The following DCBLD2 variants were observed in gnomAD, a reference collection of about 807,000 sequenced individuals.
DCBLD2 encodes discoidin, CUB and LCCL domain containing 2, also known as discoidin, CUB and LCCL domain-containing protein 2.
DCBLD2 carries 54 observed loss-of-function variants against 86.8 expected under a neutral mutation model. The observed-to-expected ratio is 0.62, with a 90% CI of 0.50 to 0.78. The LOEUF (loss-of-function observed/expected upper bound fraction) is 0.78, where lower values mean the gene tolerates loss of function less well. Ranked by LOEUF, DCBLD2 falls within the 30% of genes least tolerant of loss-of-function variation. The pLI, the probability that DCBLD2 is intolerant of heterozygous loss-of-function variation, is 0.00. For synonymous variants in DCBLD2, 354 were observed against 341.3 expected (o/e 1.04, Z -0.41); for missense variants, 908 against 954.2 (o/e 0.95, Z 0.64).
intron 2 of DCBLD2, among the ~76,000 whole-genome samples, chr3:98,862,298 G>A (rs1024766466): frequency 6.6e-6 from 1 of 152,144 alleles, no homozygotes; most frequent in Non-Finnish European, 1.5e-5. Flanking sequence ...GTACAAGGAG[G>A]AGCTGGTACC....
chr3:98,799,505 T>C lies in DCBLD2; in HGVS notation c.2195A>G (p.Tyr732Cys), dbSNP rs571842797. The change falls in exon 16 of 16, where the codon TAT becomes TGT. Residue 732 changes from tyrosine (Y) to cysteine (C), a missense_variant. Around this residue, in one of 3 missense-constraint regions of DCBLD2, gnomAD observed 606 missense variants for 678.5 expected, o/e 0.89. Coordinates refer to ENST00000326840, the MANE Select transcript of DCBLD2 (RefSeq NM_080927.4). The part of the protein sequence containing the change: ...TDSCSSAQAQ[Y>C]DTPKAGKPGL... ...TGGCTTCCCAGCTTTCGGGGTATCA[T>C]ACTGGGCCTGGGCTGAGGAGCAGCT... 1.2e-6 allele frequency: 2 copies of C among 1,614,026 alleles called. No homozygotes were observed. The highest frequency in any genetic ancestry group is 2.2e-5 in the East Asian group (1 of 44,886).
intron 1 of DCBLD2, among the ~76,000 whole-genome samples, chr3:98,894,823 T>A (rs1443807574): frequency 6.6e-6 from 1 of 152,140 alleles, no homozygotes; most frequent in Non-Finnish European, 1.5e-5. Context: ...TTAATTCACA[T>A]AATTTGAATG....
chr3:98,811,597 A>T (rs1320249283), intron 10 of DCBLD2, 43 bp from the exon 11 acceptor site: 4 of 1,507,810 alleles, frequency 2.7e-6, no homozygotes, highest in Non-Finnish European at 3.6e-6. Flanking sequence ...TTGTTTTTAA[A>T]AATCATAATT....
intron 14 of DCBLD2, among the ~76,000 whole-genome samples, chr3:98,801,056 T>C (rs753541429): frequency 5.3e-5 from 8 of 152,204 alleles, no homozygotes; most frequent in Non-Finnish European, 1.2e-4. Flanking sequence ...TTTTCTATCC[T>C]AGCCACAGCA....
intron 2 of DCBLD2, among the ~76,000 whole-genome samples, chr3:98,879,434 T>C (rs1943423613): frequency 6.6e-6 from 1 of 152,208 alleles, no homozygotes; most frequent in African/African-American, 2.4e-5. Flanking sequence ...TCACCCAGGC[T>C]GGAGTGCAGT....
intron 3 of DCBLD2, among the ~76,000 whole-genome samples, chr3:98,847,861 C>G (rs1344283834): frequency 6.6e-6 from 1 of 152,176 alleles, no homozygotes; most frequent in Non-Finnish European, 1.5e-5. Context: ...CCCTATATAG[C>G]AGGGGGAAAT....
chr3:98,835,748 C>G (rs1434952242), intron 3 of DCBLD2, among the ~76,000 whole-genome samples: 1 of 151,008 alleles, frequency 6.6e-6, no homozygotes, highest in Non-Finnish European at 1.5e-5. Context: ...CAGGGTTTCA[C>G]CATGTTGGCC....
intron 5 of DCBLD2, 107 bp from the exon 6 acceptor site, chr3:98,822,468 A>C (rs537652338): frequency 7.4e-4 from 1,024 of 1,392,456 alleles, no homozygotes; most frequent in Non-Finnish European, 9.2e-4. Context: ...GTTTCTTCAT[A>C]AACTTCATAA....
chr3:98,811,467 C>G lies in DCBLD2; in HGVS notation c.1450+1G>C. 6.2e-7 allele frequency: 1 copy of G among 1,613,464 alleles called. No individual in the cohort carries two copies. Among genetic ancestry groups the G allele is most frequent in the Non-Finnish European group, 8.5e-7 (1 of 1,179,624 alleles). ...AATTCTCACATTAAAAACAGGCATA[C>G]CTTTGGCTATTTTTGGAGGGGCTGT... is the stretch of plus-strand genomic sequence containing the variant. On this transcript the variant is annotated splice_donor_variant, in intron 11 of 15. Transcript: ENST00000326840. LOFTEE classifies it high-confidence loss of function.
At chr3:98,857,655 G>T (rs996858354) in intron 2 of DCBLD2, among the ~76,000 whole-genome samples, 9 of 152,108 alleles carry the variant, frequency 5.9e-5, no homozygotes, top group Admixed American at 5.2e-4. Flanking sequence ...TACAAACCTT[G>T]AGCTAGATAC....
chr3:98,821,629 G>C (rs1006532817), intron 6 of DCBLD2, among the ~76,000 whole-genome samples: 1 of 151,738 alleles, frequency 6.6e-6, no homozygotes, highest in Non-Finnish European at 1.5e-5. Context: ...CAAACTTCTA[G>C]ACTCTTATGT....
chr3:98,872,666 G>A (rs1453732669), intron 2 of DCBLD2, among the ~76,000 whole-genome samples: 1 of 151,812 alleles, frequency 6.6e-6, no homozygotes, highest in Non-Finnish European at 1.5e-5. Flanking sequence ...TGGACAAATC[G>A]GATAGTAAAT....
intron 2 of DCBLD2, among the ~76,000 whole-genome samples, chr3:98,859,803 A>G (rs1311250748): frequency 6.6e-6 from 1 of 152,228 alleles, no homozygotes; most frequent in African/African-American, 2.4e-5. Context: ...TGAAAATTCT[A>G]AAAATCAGAG....
intron 1 of DCBLD2, among the ~76,000 whole-genome samples, chr3:98,898,243 G>T (rs1203483374): frequency 6.6e-6 from 1 of 151,514 alleles, no homozygotes. Context: ...ATTTTATTCG[G>T]AGCCAAATAA....
In DCBLD2 at chr3:98,799,733, T is replaced by C. The variant is rs1576151233; in HGVS notation, c.1967A>G (p.Asn656Ser). Residue 656 changes from asparagine (N) to serine (S), a missense_variant, in exon 16 of 16, where the codon AAC (asparagine) becomes AGC (serine). Physicochemically the swap from Asn to Ser is conservative, Grantham distance 46. This residue lies in a region of DCBLD2 where 606 missense variants were observed against 678.5 expected (regional missense o/e 0.89). Coordinates refer to ENST00000326840, the MANE Select transcript of DCBLD2 (RefSeq NM_080927.4). The part of the protein sequence containing the change: ...EAGYADLDPY[N>S]SPGQEVYHAY... ...ATGATAAACTTCCTGCCCTGGTGAG[T>C]TGTAAGGATCTAGGTCTGCATAGCC... is the stretch of plus-strand genomic sequence containing the variant. 1 of 1,613,906 alleles carries C rather than the reference T, an allele frequency of 6.2e-7. No homozygotes were observed. Among genetic ancestry groups the C allele is most frequent in the Non-Finnish European group, 8.5e-7 (1 of 1,179,874 alleles).
chr3:98,875,368 C>T (rs1285359854), intron 2 of DCBLD2, among the ~76,000 whole-genome samples: 1 of 151,646 alleles, frequency 6.6e-6, no homozygotes, highest in Non-Finnish European at 1.5e-5. Context: ...TGTGTAAACC[C>T]TACATGAGAA....
At chr3:98,835,938 C>CTTTCTTTTTT (rs56279917) in intron 3 of DCBLD2, among the ~76,000 whole-genome samples, 12 of 115,048 alleles carry the variant, frequency 1.0e-4, no homozygotes, top group East Asian at 2.3e-4. Flanking sequence ...TCCTTTCTTT[C>CTTTCTTTTTT]TTTTTTTTTT....
intron 1 of DCBLD2, among the ~76,000 whole-genome samples, chr3:98,886,676 T>C (rs1943568076): frequency 6.6e-6 from 1 of 151,992 alleles, no homozygotes; most frequent in Non-Finnish European, 1.5e-5. Context: ...GAATTTGATC[T>C]TAATGATTCT....
chr3:98,894,246 A>T (rs750350246), intron 1 of DCBLD2, among the ~76,000 whole-genome samples: 1 of 152,166 alleles, frequency 6.6e-6, no homozygotes, highest in Non-Finnish European at 1.5e-5. Context: ...GTCCTCCACA[A>T]TACGTTCCAG....
Sources: gnomAD v4.1 joint callset for allele counts (sites outside exome capture counted in the v4.1 genomes callset) on GRCh38, gnomAD v4.1.1 for gene constraint, gnomAD v4.1.1 regional missense constraint, MANE v1.5 for transcripts, NCBI Gene and HGNC (gene_info 2026-07-23, HGNC 2026-07-21) for gene names.